Variants in FRMD4A observed in about 807,000 individuals in gnomAD.
FRMD4A encodes the protein FERM domain containing 4A.
A neutral mutation model predicts 129.1 loss-of-function variants in FRMD4A; 29 were observed. That is an observed-to-expected ratio of 0.22 (90% CI 0.17 to 0.31). FRMD4A has a LOEUF of 0.31. FRMD4A is among the 10% of genes least tolerant of loss of function. FRMD4A has a pLI of 1.00. For missense variants in FRMD4A, 1,272 were observed against 1,375.8 expected (o/e 0.92, Z 1.19); for synonymous variants, 634 against 571.6 (o/e 1.11, Z -1.56).
chr10:13,940,670 G>A (rs1407365751), intron 2 of FRMD4A, among the ~76,000 whole-genome samples: 1 of 152,192 alleles, frequency 6.6e-6, no homozygotes, highest in Non-Finnish European at 1.5e-5. Context: ...TGAAAGGATT[G>A]AGGAATTGAG....
chr10:13,765,000 G>C (rs1469039384), intron 6 of FRMD4A, among the ~76,000 whole-genome samples: 1 of 151,566 alleles, frequency 6.6e-6, no homozygotes, highest in East Asian at 1.9e-4. Flanking sequence ...TAGAGAATCA[G>C]TTTCAGCCAA....
chr10:14,245,568 G>A (rs974873650), intron 2 of FRMD4A, among the ~76,000 whole-genome samples: 5 of 152,102 alleles, frequency 3.3e-5, no homozygotes, highest in Admixed American at 2.6e-4. Context: ...ACCTCAGAAC[G>A]TGAATGTATT....
chr10:13,839,532 G>C (rs2093929826), intron 3 of FRMD4A, among the ~76,000 whole-genome samples: 1 of 152,174 alleles, frequency 6.6e-6, no homozygotes, highest in African/African-American at 2.4e-5. Context: ...TGAGACCCCA[G>C]TTAAGTTGGC....
In FRMD4A at chr10:13,930,681, C is replaced by T. The variant is rs563520457; in HGVS notation, c.46-71769G>A. ...GGACTGCAGCTTTAGGAGAAAACGT[C>T]GTTTGAGGGAAAGAATGCTTAAATA... On this transcript the variant is annotated intron_variant, in intron 2 of 24. Coordinates refer to ENST00000357447, the MANE Select transcript of FRMD4A (RefSeq NM_018027.5). 4.6e-5 allele frequency among the ~76,000 whole-genome samples: 7 copies of T among 152,064 alleles called. 1 individual carries two copies. The highest frequency in any genetic ancestry group is 1.9e-4 in the East Asian group (1 of 5,182).
At chr10:13,939,287 A>C (rs2095272797) in intron 2 of FRMD4A, among the ~76,000 whole-genome samples, 1 of 152,196 alleles carries the variant, frequency 6.6e-6, no homozygotes, top group Non-Finnish European at 1.5e-5. Context: ...GATTTTAGTT[A>C]TATTTTGGAT....
At chr10:13,800,253 A>T (rs150902319) in intron 4 of FRMD4A, among the ~76,000 whole-genome samples, 2 of 152,202 alleles carry the variant, frequency 1.3e-5, no homozygotes, top group African/African-American at 4.8e-5. Context: ...TACAGAAATT[A>T]TCCCCCAAAA....
At position 13,877,058 on chromosome 10, in the gene FRMD4A, G is replaced by A. The variant is rs187349633; in HGVS notation, c.46-18146C>T. Reference sequence around the variant, plus strand: ...GGGTGAAGCCACATAGATAAGAGTTGGGGAATGGGCTCTCCTTGTCATAAA... The same window carrying A: ...GGGTGAAGCCACATAGATAAGAGTTAGGGAATGGGCTCTCCTTGTCATAAA... On this transcript the variant is annotated intron_variant, in intron 2 of 24. Coordinates refer to ENST00000357447, the MANE Select transcript of FRMD4A (RefSeq NM_018027.5). Among the ~76,000 whole-genome samples the A allele has an allele frequency of 1.2e-3, 179 of 152,200 alleles. 1 individual carries two copies. Among genetic ancestry groups the A allele is most frequent in the African/African-American group, 4.3e-3 (178 of 41,542 alleles).
intron 2 of FRMD4A, among the ~76,000 whole-genome samples, chr10:14,211,708 C>T (rs1304864528): frequency 6.6e-6 from 1 of 152,130 alleles, no homozygotes; most frequent in Non-Finnish European, 1.5e-5. Context: ...CAGGCTGGAT[C>T]GTGATGTATT....
rs146156826 is a variant in FRMD4A at position 14,031,441 on chromosome 10, T to A, written c.46-172529A>T. On this transcript the variant is annotated intron_variant, in intron 2 of 24. Transcript: ENST00000357447. ...AACCACCATGCCTGGCTAATTTTTG[T>A]ATTTTTAGTAGAGATGGGGGTTCAC... is the stretch of plus-strand genomic sequence containing the variant. 8.0e-4 allele frequency among the ~76,000 whole-genome samples: 122 copies of A among 152,312 alleles called. 1 individual carries two copies. Among genetic ancestry groups the A allele is most frequent in the Admixed American group, 7.5e-3 (114 of 15,294 alleles).
intron 14 of FRMD4A, among the ~76,000 whole-genome samples, chr10:13,695,387 C>A (rs1298752608): frequency 6.6e-6 from 1 of 152,118 alleles, no homozygotes. Flanking sequence ...GTGATCCGCC[C>A]GCTGCAGCCT....
chr10:13,805,402 A>C (rs2093342221), intron 4 of FRMD4A, among the ~76,000 whole-genome samples: 1 of 151,096 alleles, frequency 6.6e-6, no homozygotes. Flanking sequence ...TTTCTTCCTC[A>C]TATTTCTAAA....
At chr10:14,024,682 C>T (rs1832909225) in intron 2 of FRMD4A, among the ~76,000 whole-genome samples, 1 of 152,204 alleles carries the variant, frequency 6.6e-6, no homozygotes, top group African/African-American at 2.4e-5. Context: ...TAAAGCGAGG[C>T]CACCAGATGA....
intron 2 of FRMD4A, among the ~76,000 whole-genome samples, chr10:14,129,473 C>G (rs1839125684): frequency 7.0e-6 from 1 of 143,406 alleles, no homozygotes; most frequent in Admixed American, 7.4e-5. Context: ...GATCACAGAT[C>G]ACAGAGAGGG....
chr10:13,824,202 G>A (rs375733362), intron 3 of FRMD4A, among the ~76,000 whole-genome samples: 59 of 151,954 alleles, frequency 3.9e-4, no homozygotes, highest in African/African-American at 1.4e-3. Flanking sequence ...ACCAGGCTGG[G>A]TGCGGTGTCT....
chr10:14,176,356 G>C (rs780541359), intron 2 of FRMD4A, among the ~76,000 whole-genome samples: 13 of 151,184 alleles, frequency 8.6e-5, no homozygotes, highest in Admixed American at 1.3e-4. Context: ...TTCCAGTTTA[G>C]TGCCAGTCTC....
intron 2 of FRMD4A, among the ~76,000 whole-genome samples, chr10:14,157,708 A>T (rs1589096757): frequency 6.6e-6 from 1 of 152,172 alleles, no homozygotes; most frequent in Non-Finnish European, 1.5e-5. Context: ...CTATTTGTAC[A>T]GCACACACAG....
At chr10:13,795,604 G>T (rs1036438813) in intron 5 of FRMD4A, among the ~76,000 whole-genome samples, 1 of 152,202 alleles carries the variant, frequency 6.6e-6, no homozygotes, top group African/African-American at 2.4e-5. Flanking sequence ...GAACAGAGTT[G>T]TATGGCATGG....
chr10:13,715,948 C>T (rs1221510820), intron 12 of FRMD4A, among the ~76,000 whole-genome samples: 1 of 151,394 alleles, frequency 6.6e-6, no homozygotes, highest in East Asian at 1.9e-4. Context: ...TGTACACATT[C>T]CCCTCCGTCA....
chr10:14,094,097 G>A (rs1452646827), intron 2 of FRMD4A, among the ~76,000 whole-genome samples: 1 of 152,230 alleles, frequency 6.6e-6, no homozygotes, highest in Non-Finnish European at 1.5e-5. Flanking sequence ...GCCCCTGCCC[G>A]GGGGAAGCTT....
Sources: gnomAD v4.1 joint callset for allele counts (sites outside exome capture counted in the v4.1 genomes callset) on GRCh38, gnomAD v4.1.1 for gene constraint, MANE v1.5 for transcripts, NCBI Gene and HGNC (gene_info 2026-07-23, HGNC 2026-07-21) for gene names.